The following NDC80 variants were observed in gnomAD, a reference collection of about 807,000 sequenced individuals.
NDC80 encodes the protein kinetochore protein NDC80 homolog.
A neutral mutation model predicts 89.3 loss-of-function variants in NDC80; 69 were observed. The ratio of observed to expected loss-of-function variants is 0.77; its 90% CI spans 0.64 to 0.94. The LOEUF (loss-of-function observed/expected upper bound fraction) is 0.94. NDC80 is among the 40% of genes least tolerant of loss of function. The probability of loss-of-function intolerance (pLI) is 0.00; values close to 1 mark genes in which losing one functional copy is unlikely to be tolerated. For missense variants in NDC80, 593 were observed against 739.6 expected (o/e 0.80, Z 2.30); for synonymous variants, 243 against 255.6 (o/e 0.95, Z 0.47).
intron 11 of NDC80, among the ~76,000 whole-genome samples, chr18:2,598,741 A>G (rs1055656343): frequency 5.3e-5 from 8 of 152,156 alleles, no homozygotes; most frequent in Admixed American, 3.9e-4. Context: ...GTTAATATCT[A>G]AATATGGACT....
chr18:2,583,343 G>A (rs2072587630), intron 6 of NDC80, among the ~76,000 whole-genome samples: 1 of 152,116 alleles, frequency 6.6e-6, no homozygotes, highest in East Asian at 1.9e-4. Context: ...TTACCCTGAT[G>A]ACAAGATATA....
intron 14 of NDC80, among the ~76,000 whole-genome samples, chr18:2,607,965 GTA>G (rs3033372): frequency 0.026 from 1,787 of 68,078 alleles, 62 homozygotes; most frequent in East Asian, 0.14. Context: ...TATATACATA[GTA>G]TATATATATA....
In NDC80 at chr18:2,590,336, C is replaced by G. The variant is rs183927650; in HGVS notation, c.1015+174C>G. 2.0e-5 allele frequency among the ~76,000 whole-genome samples: 3 copies of G among 152,288 alleles called. No individual in the cohort carries two copies. The East Asian group carries it at 5.8e-4, about 29-fold the overall frequency. On this transcript the variant is annotated intron_variant, in intron 10 of 16. Coordinates refer to ENST00000261597, the MANE Select transcript of NDC80 (RefSeq NM_006101.3). ...TCCTAAGGCTGCTGTCACAAATGAT[C>G]ACAAGTTTGGATGGCTTAAAACAAC...
At chr18:2,597,705 G>A (rs1272104464) in intron 11 of NDC80, among the ~76,000 whole-genome samples, 1 of 150,192 alleles carries the variant, frequency 6.7e-6, no homozygotes, top group South Asian at 2.1e-4. Flanking sequence ...ACTCCAGCCT[G>A]GGCAAAAATA....
intron 6 of NDC80, among the ~76,000 whole-genome samples, chr18:2,580,405 G>C (rs2072570522): frequency 6.6e-6 from 1 of 151,162 alleles, no homozygotes; most frequent in Admixed American, 6.6e-5. Flanking sequence ...ATTTAATGCA[G>C]TCTCTCCTTT....
rs762970153 is a variant in NDC80, at chr18:2,589,225, C to T, written c.785C>T (p.Ala262Val). 5 of 1,612,554 alleles carry T rather than the reference C, an allele frequency of 3.1e-6. No homozygotes were observed. The Admixed American group carries it at 6.7e-5, about 22-fold the overall frequency. Residue 262 changes from alanine to valine, a missense_variant, in exon 9 of 17, where the codon GCT becomes GTT. By Grantham distance (64) the Ala-to-Val change is moderately conservative. Coordinates refer to ENST00000261597, the MANE Select transcript of NDC80 (RefSeq NM_006101.3). ...CCAGAGGATTTATTTAATGTGGATG[C>T]TTTTAAGCTGGAATCATTAGAAGCA... is the stretch of plus-strand genomic sequence containing the variant. ...SKLKDLFNVD[A>V]FKLESLEAKN...
chr18:2,580,731 A>ATTTTTTTTTTTTTTTTTTTTTTT lies in NDC80; in HGVS notation c.579+1709_579+1731dup, dbSNP rs71365186. On this transcript the variant is annotated intron_variant, in intron 6 of 16. Transcript: ENST00000261597. ...ACTACTTTTTTGGTCTCACCATCAG[A>ATTTTTTTTTTTTTTTTTTTTTTT]TTTTTTTTTTTTTTTTTTTTTTTTT... is the stretch of plus-strand genomic sequence containing the variant. 7.4e-4 allele frequency among the ~76,000 whole-genome samples: 41 copies of ATTTTTTTTTTTTTTTTTTTTTTT among 55,450 alleles called. 14 individuals carry two copies. The highest frequency in any genetic ancestry group is 1.2e-3 in the Non-Finnish European group (34 of 28,502). The allele number at this position is 55,450 out of a possible 152,430, so 36.4% of individuals were successfully genotyped here. A position where few individuals can be genotyped will look rare whatever the true frequency, so the allele number is the denominator to read the frequency against.
At chr18:2,588,869 A>G (rs1226169548) in intron 8 of NDC80, among the ~76,000 whole-genome samples, 1 of 152,188 alleles carries the variant, frequency 6.6e-6, no homozygotes, top group African/African-American at 2.4e-5. Flanking sequence ...GCCAGCCACC[A>G]TTTAGGCACT....
intron 6 of NDC80, chr18:2,582,266 A>C (rs1296547841): frequency 6.6e-6 from 1 of 152,132 alleles, no homozygotes; most frequent in African/African-American, 2.4e-5. Flanking sequence ...CAGTAGAGAC[A>C]GCGTGTCACC....
chr18:2,602,407 A>G (rs2072688234), intron 13 of NDC80, among the ~76,000 whole-genome samples: 1 of 152,170 alleles, frequency 6.6e-6, no homozygotes, highest in Non-Finnish European at 1.5e-5. Flanking sequence ...TGATCACATC[A>G]TACTATTATT....
At chr18:2,612,047 T>A (rs2072747184) in intron 16 of NDC80, among the ~76,000 whole-genome samples, 1 of 152,080 alleles carries the variant, frequency 6.6e-6, no homozygotes, top group South Asian at 2.1e-4. Context: ...GACAAAAAAT[T>A]ATCTGAGTGA....
In NDC80 at chr18:2,602,880, TA is replaced by T. The variant is rs557604356; in HGVS notation, c.1464+1396del. On this transcript the variant is annotated intron_variant, in intron 13 of 16. Transcript: ENST00000261597. ...ATGTTAGGAGACTTAAACCAATGTA[TA>T]CTAGAACTAGAGGGAAGGAAACAGG... Among the ~76,000 whole-genome samples the T allele has an allele frequency of 2.1e-4, 32 of 152,270 alleles. No homozygotes were observed. The South Asian group carries it at 5.2e-3, about 25-fold the overall frequency.
intron 7 of NDC80, among the ~76,000 whole-genome samples, chr18:2,587,486 A>T (rs905811802): frequency 1.3e-5 from 2 of 152,192 alleles, no homozygotes; most frequent in African/African-American, 4.8e-5. Context: ...ATTCCTAAAG[A>T]TGATTAAGTT....
At chr18:2,593,147 T>A (rs1360420940) in intron 10 of NDC80, among the ~76,000 whole-genome samples, 1 of 150,032 alleles carries the variant, frequency 6.7e-6, no homozygotes, top group Non-Finnish European at 1.5e-5. Flanking sequence ...TTCTGTCTCC[T>A]GGGTTCAAGC....
chr18:2,613,426 T>C (rs76759764), intron 16 of NDC80, among the ~76,000 whole-genome samples: 11 of 152,302 alleles, frequency 7.2e-5, no homozygotes, highest in African/African-American at 2.2e-4. Context: ...CATTGTAGTA[T>C]TGATGCAGAA....
In NDC80 at chr18:2,578,118, T is replaced by G. The variant is rs1014377996; in HGVS notation, c.453T>G (p.Val151=). The change falls in exon 5 of 17, where the codon GTT becomes GTG. Residue 151 remains valine, a synonymous_variant. Transcript: ENST00000261597. ...CTGACACAAAGTTTGAAGAAGAGGT[T>G]CCAAGAATCTTTAAAGACCTTGGGT... ...ELPDTKFEEE[V]PRIFKDLGYP... is the part of the protein sequence containing the mutation. The G allele has an allele frequency of 6.8e-6, 11 of 1,613,854 alleles. No homozygotes were observed. Among genetic ancestry groups the G allele is most frequent in the African/African-American group, 1.3e-5 (1 of 74,888 alleles).
Position 2,579,273 on chromosome 18 carries a change from G to A in NDC80, c.579+244G>A, listed in dbSNP as rs868029603. The A allele has an allele frequency of 1.4e-4, 49 of 346,962 alleles. 2 individuals are homozygous for A. In the Middle Eastern group the frequency reaches 3.1e-3, roughly 22 times the overall value. The allele number at this position is 346,962 out of a possible 1,614,324, so 21.5% of individuals were successfully genotyped here. ...ACAACTCAAAAAAATGAGTCAATAG[G>A]AAATTCATTTTTTATTTTCCCTCAT... is the stretch of plus-strand genomic sequence containing the variant. On this transcript the variant is annotated intron_variant, in intron 6 of 16. Transcript: ENST00000261597.
chr18:2,612,888 A>C (rs1450730648), intron 16 of NDC80, among the ~76,000 whole-genome samples: 2 of 152,274 alleles, frequency 1.3e-5, no homozygotes, highest in Non-Finnish European at 2.9e-5. Flanking sequence ...AACCATAGAA[A>C]GTCAAACGAG....
At chr18:2,615,788 TA>T (rs1304424444) in intron 16 of NDC80, among the ~76,000 whole-genome samples, 3 of 152,228 alleles carry the variant, frequency 2.0e-5, no homozygotes, top group Non-Finnish European at 4.4e-5. Flanking sequence ...GAATGAATTT[TA>T]AAATACTATA....
Sources: allele counts gnomAD v4.1 joint callset (sites outside exome capture counted in the v4.1 genomes callset), GRCh38; gene constraint gnomAD v4.1.1; transcripts MANE v1.5; gene names NCBI Gene and HGNC (gene_info 2026-07-23, HGNC 2026-07-21).